NACC2: variants seen among roughly 807,000 people sequenced by gnomAD.
NACC2 encodes the protein NACC family member 2, also known as nucleus accumbens-associated protein 2.
A neutral mutation model predicts 25.1 loss-of-function variants in NACC2; 8 were observed. The observed-to-expected ratio is 0.32, with a 90% CI of 0.19 to 0.57. NACC2 has a LOEUF of 0.57. Ranked by LOEUF, NACC2 falls within the 20% of genes least tolerant of loss-of-function variation. The probability of loss-of-function intolerance (pLI) is 0.89; values close to 1 mark genes in which losing one functional copy is unlikely to be tolerated. For synonymous variants in NACC2, 435 were observed against 294.7 expected (o/e 1.48, Z -4.88); for missense variants, 644 against 650.2 (o/e 0.99, Z 0.10).
intron 2 of NACC2, among the ~76,000 whole-genome samples, chr9:136,034,423 T>C (rs1243331062): frequency 6.6e-6 from 1 of 151,912 alleles, no homozygotes; most frequent in Non-Finnish European, 1.5e-5. Context: ...CCCCAGAGTG[T>C]TGATTGCTTT....
chr9:136,081,015 T>C (rs10745380), intron 1 of NACC2, among the ~76,000 whole-genome samples: 139,820 of 152,212 alleles, frequency 0.92, 64,529 homozygotes, highest in South Asian at 0.99. Context: ...ACAGAGGTGA[T>C]GGAGGAGGAA....
chr9:136,046,955 A>C (rs1840735365), intron 2 of NACC2, among the ~76,000 whole-genome samples: 1 of 152,188 alleles, frequency 6.6e-6, no homozygotes, highest in South Asian at 2.1e-4. Flanking sequence ...AACGCGAGAG[A>C]GGGTGGAACA....
chr9:136,066,864 GA>G (rs959900908), intron 1 of NACC2, among the ~76,000 whole-genome samples: 1 of 149,774 alleles, frequency 6.7e-6, no homozygotes, highest in Non-Finnish European at 1.5e-5. Flanking sequence ...CGCTAAGTGT[GA>G]AAAAAAATGC....
intron 1 of NACC2, among the ~76,000 whole-genome samples, chr9:136,058,661 C>A (rs964375070): frequency 1.3e-5 from 2 of 152,186 alleles, no homozygotes; most frequent in African/African-American, 4.8e-5. Flanking sequence ...CGAGCTCGAT[C>A]GCAACCCACC....
intron 1 of NACC2, among the ~76,000 whole-genome samples, chr9:136,067,472 A>C (rs1350267235): frequency 1.3e-5 from 2 of 152,202 alleles, no homozygotes; most frequent in Non-Finnish European, 2.9e-5. Flanking sequence ...ATGCATCATT[A>C]GGTGATTTTG....
intron 5 of NACC2, among the ~76,000 whole-genome samples, chr9:136,012,714 G>A (rs564903119): frequency 1.8e-4 from 27 of 147,118 alleles, no homozygotes; most frequent in African/African-American, 6.6e-4. Flanking sequence ...TTCTTGGGCC[G>A]AGGGCCACAG....
At chr9:136,037,366 G>A (rs1274139719) in intron 2 of NACC2, among the ~76,000 whole-genome samples, 7 of 152,022 alleles carry the variant, frequency 4.6e-5, no homozygotes, top group Admixed American at 2.0e-4. Flanking sequence ...TGGAACTACA[G>A]GCACACACCA....
At chr9:136,043,194 G>A (rs1431608886) in intron 2 of NACC2, among the ~76,000 whole-genome samples, 1 of 152,180 alleles carries the variant, frequency 6.6e-6, no homozygotes, top group Non-Finnish European at 1.5e-5. Flanking sequence ...GAAAAGGCAG[G>A]TCAGACTAGG....
intron 2 of NACC2, among the ~76,000 whole-genome samples, chr9:136,044,723 A>G (rs1370442664): frequency 2.0e-5 from 3 of 152,156 alleles, no homozygotes; most frequent in Non-Finnish European, 2.9e-5. Flanking sequence ...AACAGTCCTG[A>G]GTTTTGAGCT....
At chr9:136,077,291 T>C (rs143123200) in intron 1 of NACC2, among the ~76,000 whole-genome samples, 2,248 of 143,976 alleles carry the variant, frequency 0.016, 54 homozygotes, top group African/African-American at 0.055. Flanking sequence ...GATTGCGCCA[T>C]TGCACTCCAG....
In NACC2 at chr9:136,011,799, C is replaced by G. The variant is rs373719720; in HGVS notation, c.1481G>C (p.Arg494Pro). 5.7e-6 allele frequency: 9 copies of G among 1,579,194 alleles called. No individual in the cohort carries two copies. The highest frequency in any genetic ancestry group is 5.4e-5 in the African/African-American group (4 of 73,806). Residue 494 changes from arginine to proline, a missense_variant, in exon 6 of 6, where the codon CGC becomes CCC. Coordinates refer to ENST00000277554, the MANE Select transcript of NACC2 (RefSeq NM_144653.5). ...PPAAAQVFEQ[R>P]IYAERRGDAA... The stretch of plus-strand genomic sequence containing the variant: ...GTCGCCCCGCCGCTCGGCGTAGATG[C>G]GTTGCTCGAACACCTGTGCCGCGGC...
At chr9:136,066,987 A>C (rs1424406561) in intron 1 of NACC2, among the ~76,000 whole-genome samples, 1 of 152,146 alleles carries the variant, frequency 6.6e-6, no homozygotes, top group Non-Finnish European at 1.5e-5. Context: ...GCAGTGGCTC[A>C]AGCCTGGAAT....
intron 3 of NACC2, 82 bp downstream of exon 3, chr9:136,016,183 A>G (rs2131134417): frequency 1.3e-6 from 2 of 1,500,456 alleles, no homozygotes; most frequent in Non-Finnish European, 1.8e-6. Context: ...TGATGAGTAC[A>G]TTGTTCAGAG....
chr9:136,016,465 C>G, intron 2 of NACC2, 36 bp from the exon 3 acceptor site: 1 of 1,609,166 alleles, frequency 6.2e-7, no homozygotes, highest in South Asian at 1.1e-5. Flanking sequence ...AGATGGGCAT[C>G]TGGGGGGCCG....
intron 1 of NACC2, among the ~76,000 whole-genome samples, chr9:136,050,987 G>C (rs1038947964): frequency 6.6e-6 from 1 of 152,202 alleles, no homozygotes; most frequent in Non-Finnish European, 1.5e-5. Context: ...AAAAGTTCCA[G>C]CCCGCACAGG....
At chr9:136,031,675 A>C (rs1840475535) in intron 2 of NACC2, among the ~76,000 whole-genome samples, 1 of 152,232 alleles carries the variant, frequency 6.6e-6, no homozygotes, top group South Asian at 2.1e-4. Context: ...AAGAACAAGA[A>C]AACACAGAAC....
intron 1 of NACC2, among the ~76,000 whole-genome samples, chr9:136,078,095 G>C (rs1389752711): frequency 6.6e-6 from 1 of 152,166 alleles, no homozygotes; most frequent in East Asian, 1.9e-4. Context: ...ATAATCACGA[G>C]GTTTGCCGTA....
intron 1 of NACC2, among the ~76,000 whole-genome samples, chr9:136,060,487 C>A (rs940135119): frequency 1.1e-4 from 17 of 152,242 alleles, no homozygotes; most frequent in African/African-American, 4.1e-4. Flanking sequence ...GAAGACAGGG[C>A]CAGGCCCAGG....
rs542358398 is a variant in NACC2 at position 136,010,335 on chromosome 9, G to A, written c.*1181C>T. Reference sequence around the variant, plus strand: ...CAAGGCAGACGGGGAGCCCAGCACCGGGAGGACCGACTCTCGCCCTGGCCC... The same window carrying A: ...CAAGGCAGACGGGGAGCCCAGCACCAGGAGGACCGACTCTCGCCCTGGCCC... On this transcript the variant is annotated 3_prime_UTR_variant, in exon 6 of 6. Coordinates refer to ENST00000277554, the MANE Select transcript of NACC2 (RefSeq NM_144653.5). The surrounding 1 kb of genome is among the most constrained non-coding windows in gnomAD (Gnocchi z 4.9). The A allele has an allele frequency of 2.0e-5, 3 of 153,554 alleles. No individual in the cohort carries two copies. The highest frequency in any genetic ancestry group is 2.9e-5 in the Non-Finnish European group (2 of 69,060). 9.5% of individuals were successfully genotyped at this position (153,554 alleles called of 1,614,324 possible).
Sources: allele counts gnomAD v4.1 joint callset (sites outside exome capture counted in the v4.1 genomes callset), GRCh38; gene constraint gnomAD v4.1.1; non-coding constraint Gnocchi (gnomAD v3.1); transcripts MANE v1.5; gene names NCBI Gene and HGNC (gene_info 2026-07-23, HGNC 2026-07-21).